The following CDK6 variants were observed in gnomAD, a reference collection of about 807,000 sequenced individuals.
CDK6 encodes cyclin-dependent kinase 6.
A neutral mutation model predicts 37.1 loss-of-function variants in CDK6; 6 were observed. The ratio of observed to expected loss-of-function variants is 0.16; its 90% CI spans 0.09 to 0.32. The LOEUF (loss-of-function observed/expected upper bound fraction) is 0.32. Among genes scored for constraint, CDK6 ranks in the 10% least tolerant of loss-of-function variants. The probability of loss-of-function intolerance (pLI) is 1.00; values close to 1 mark genes in which losing one functional copy is unlikely to be tolerated. For synonymous variants in CDK6, 160 were observed against 161.3 expected (o/e 0.99, Z 0.06); for missense variants, 224 against 418.9 (o/e 0.53, Z 4.06).
intron 4 of CDK6, among the ~76,000 whole-genome samples, chr7:92,709,337 A>G (rs1798035083): frequency 6.6e-6 from 1 of 152,024 alleles, no homozygotes; most frequent in Non-Finnish European, 1.5e-5. Flanking sequence ...GATGTTTCTC[A>G]ACCCCATACC....
intron 2 of CDK6, among the ~76,000 whole-genome samples, chr7:92,795,200 G>A (rs564903167): frequency 1.3e-5 from 2 of 152,070 alleles, no homozygotes; most frequent in East Asian, 3.9e-4. Context: ...GTCTTGACAT[G>A]TTCAAGAAAT....
At chr7:92,694,291 A>G (rs1412781807) in intron 4 of CDK6, among the ~76,000 whole-genome samples, 1 of 152,212 alleles carries the variant, frequency 6.6e-6, no homozygotes, top group Non-Finnish European at 1.5e-5. Flanking sequence ...CTACAAAATC[A>G]AGAAGTCACA....
At chr7:92,710,723 G>A in intron 4 of CDK6, 1 of 985,428 alleles carries the variant, frequency 1.0e-6, no homozygotes. Context: ...AAGCTGATGA[G>A]TGATCTTTTT....
intron 5 of CDK6, among the ~76,000 whole-genome samples, chr7:92,653,402 A>G (rs1269922904): frequency 6.6e-6 from 1 of 152,250 alleles, no homozygotes; most frequent in East Asian, 1.9e-4. Flanking sequence ...CCTGCAGGGC[A>G]GATGTGAAAC....
At chr7:92,714,907 A>G (rs935459187) in intron 4 of CDK6, among the ~76,000 whole-genome samples, 2 of 152,184 alleles carry the variant, frequency 1.3e-5, no homozygotes, top group African/African-American at 2.4e-5. Flanking sequence ...TATTCTTGAC[A>G]GAATTCTTTC....
intron 5 of CDK6, among the ~76,000 whole-genome samples, chr7:92,623,420 C>A (rs1795849325): frequency 6.6e-6 from 1 of 152,184 alleles, no homozygotes; most frequent in Non-Finnish European, 1.5e-5. Context: ...GAACATACCA[C>A]CATCCTAGTC....
chr7:92,788,960 G>T (rs192848836), intron 2 of CDK6, among the ~76,000 whole-genome samples: 4 of 151,606 alleles, frequency 2.6e-5, no homozygotes, highest in Admixed American at 6.6e-5. Context: ...CTCTACAAAA[G>T]ATTTTTTTTT....
chr7:92,668,940 A>T (rs1427473569), intron 5 of CDK6, among the ~76,000 whole-genome samples: 1 of 152,118 alleles, frequency 6.6e-6, no homozygotes, highest in Non-Finnish European at 1.5e-5. Flanking sequence ...TTATTTCTCA[A>T]ATTACTATTT....
chr7:92,757,148 T>C (rs1314249874), intron 3 of CDK6, among the ~76,000 whole-genome samples: 1 of 152,214 alleles, frequency 6.6e-6, no homozygotes. Flanking sequence ...TACTGTAATA[T>C]TGATTTTTAA....
intron 3 of CDK6, among the ~76,000 whole-genome samples, chr7:92,755,126 C>A (rs1057417453): frequency 2.6e-5 from 4 of 152,078 alleles, no homozygotes; most frequent in Non-Finnish European, 4.4e-5. Flanking sequence ...GGGATAATAG[C>A]TCCCCTTAAT....
At chr7:92,827,979 T>C (rs1055343386) in intron 2 of CDK6, among the ~76,000 whole-genome samples, 3 of 152,132 alleles carry the variant, frequency 2.0e-5, no homozygotes, top group Admixed American at 6.5e-5. Flanking sequence ...TTAACCAGAA[T>C]GTTACATAAT....
intron 2 of CDK6, among the ~76,000 whole-genome samples, chr7:92,775,948 T>C (rs1408995333): frequency 4.6e-5 from 7 of 152,132 alleles, no homozygotes. Context: ...TTCTGGGATA[T>C]ATGTGCAGAA....
intron 2 of CDK6, among the ~76,000 whole-genome samples, chr7:92,798,369 T>C (rs1466888141): frequency 6.6e-6 from 1 of 152,222 alleles, no homozygotes; most frequent in African/African-American, 2.4e-5. Context: ...GAAATTACTT[T>C]AAAATGCCAA....
intron 2 of CDK6, among the ~76,000 whole-genome samples, chr7:92,824,780 T>A (rs1801269167): frequency 6.6e-6 from 1 of 152,112 alleles, no homozygotes; most frequent in Non-Finnish European, 1.5e-5. Context: ...ATTTGTATAA[T>A]ATTGGATCTT....
chr7:92,800,214 T>C (rs1462273002), intron 2 of CDK6, among the ~76,000 whole-genome samples: 2 of 152,202 alleles, frequency 1.3e-5, no homozygotes, highest in African/African-American at 4.8e-5. Flanking sequence ...CACCTGTCTC[T>C]AGATTCCATT....
chr7:92,728,421 A>T (rs1798563382), intron 3 of CDK6, among the ~76,000 whole-genome samples: 1 of 152,198 alleles, frequency 6.6e-6, no homozygotes, highest in African/African-American at 2.4e-5. Context: ...AACATGTAAC[A>T]ATTCATTATC....
At chr7:92,672,192 C>CACAA (rs1797099203) in intron 4 of CDK6, among the ~76,000 whole-genome samples, 3 of 88,984 alleles carry the variant, frequency 3.4e-5, no homozygotes, top group African/African-American at 1.4e-4. Context: ...CAGACACATA[C>CACAA]ACACACACAC....
At chr7:92,798,654 G>T (rs1316851310) in intron 2 of CDK6, among the ~76,000 whole-genome samples, 1 of 152,112 alleles carries the variant, frequency 6.6e-6, no homozygotes, top group African/African-American at 2.4e-5. Flanking sequence ...GTTGCTAAGG[G>T]AACCCAAGTG....
At chr7:92,793,803 G>A (rs1197266801) in intron 2 of CDK6, among the ~76,000 whole-genome samples, 1 of 151,986 alleles carries the variant, frequency 6.6e-6, no homozygotes, top group Non-Finnish European at 1.5e-5. Context: ...GCCAGAGTAG[G>A]CAAATCTACA....
Sources: allele counts gnomAD v4.1 joint callset (sites outside exome capture counted in the v4.1 genomes callset), GRCh38; gene constraint gnomAD v4.1.1; transcripts MANE v1.5; gene names NCBI Gene and HGNC (gene_info 2026-07-23, HGNC 2026-07-21).